FNIP2: variants seen among roughly 807,000 people sequenced by gnomAD.
FNIP2 encodes the protein folliculin interacting protein 2, also known as folliculin-interacting protein 2.
Under a neutral mutation model 108.7 loss-of-function variants are expected in FNIP2, and 32 were observed. The observed-to-expected ratio is 0.29, with a 90% confidence interval of 0.22 to 0.40. FNIP2 has a LOEUF of 0.40. FNIP2 is among the 10% of genes least tolerant of loss of function. The pLI, the probability that FNIP2 is intolerant of heterozygous loss-of-function variation, is 1.00. For missense variants in FNIP2, 1,202 were observed against 1,381.6 expected (o/e 0.87, Z 2.06); for synonymous variants, 480 against 496.7 (o/e 0.97, Z 0.45).
intron 1 of FNIP2, among the ~76,000 whole-genome samples, chr4:158,780,310 A>G (rs1775999732): frequency 6.6e-6 from 1 of 152,242 alleles, no homozygotes; most frequent in African/African-American, 2.4e-5. Flanking sequence ...TGAAGACATA[A>G]TTGTAGAATA....
chr4:158,888,985 T>C (rs1782155467), intron 14 of FNIP2, among the ~76,000 whole-genome samples: 1 of 151,424 alleles, frequency 6.6e-6, no homozygotes, highest in African/African-American at 2.4e-5. Flanking sequence ...GGGCCAGGAG[T>C]TTGAGACCAG....
chr4:158,769,176 C>T lies in FNIP2; in HGVS notation c.-37C>T, dbSNP rs751891145. The T allele has an allele frequency of 8.5e-7, 1 of 1,169,708 alleles. No homozygotes were observed. The highest frequency in any genetic ancestry group is 1.8e-5 in the South Asian group (1 of 56,616). The allele number at this position is 1,169,708 out of a possible 1,614,324, so 72.5% of individuals were successfully genotyped here. ...CCGGCTGCGCGCTGAGCCGCCGGCC[C>T]CCCGAGCGCCACGGCCGGAGCTGCG... On this transcript the variant is annotated 5_prime_UTR_variant, in exon 1 of 17. Coordinates refer to ENST00000264433, the MANE Select transcript of FNIP2 (RefSeq NM_020840.3).
intron 14 of FNIP2, among the ~76,000 whole-genome samples, chr4:158,876,162 T>C (rs776245010): frequency 2.6e-5 from 4 of 152,246 alleles, no homozygotes; most frequent in Non-Finnish European, 4.4e-5. Flanking sequence ...TCTGAAATCA[T>C]TGTGATTCTC....
intron 8 of FNIP2, among the ~76,000 whole-genome samples, chr4:158,854,966 G>A (rs986624368): frequency 1.3e-5 from 2 of 152,114 alleles, no homozygotes; most frequent in Admixed American, 6.5e-5. Context: ...TTCTATAATA[G>A]GTTTTACAGT....
chr4:158,859,194 T>A lies in FNIP2; in HGVS notation c.995T>A (p.Phe332Tyr), dbSNP rs368406944. 4.3e-6 allele frequency: 7 copies of A among 1,613,144 alleles called. No homozygotes were observed. The highest frequency in any genetic ancestry group is 4.0e-5 in the African/African-American group (3 of 74,932). The change falls in exon 9 of 17, where the codon TTC (phenylalanine) becomes TAC (tyrosine). Residue 332 changes from phenylalanine (F) to tyrosine (Y), a missense_variant. Physicochemically the swap from Phe to Tyr is conservative, Grantham distance 22. Transcript: ENST00000264433. ...GAAGCACAAAGGAATTTCCAGGACT[T>A]CTTCTTTTCTCATTTTCCCCTGTTT... is the stretch of plus-strand genomic sequence containing the variant. The part of the protein sequence containing the change: ...KEEAQRNFQD[F>Y]FFSHFPLFES...
At chr4:158,889,096 G>A (rs183891431) in intron 14 of FNIP2, among the ~76,000 whole-genome samples, 1 of 152,164 alleles carries the variant, frequency 6.6e-6, no homozygotes, top group African/African-American at 2.4e-5. Flanking sequence ...GGAGGCTGAG[G>A]CAGGAGGATC....
rs1007493665 is a variant in FNIP2, at chr4:158,868,741, C to G, written c.2105C>G (p.Pro702Arg). 14 of 1,613,848 alleles carry G rather than the reference C, an allele frequency of 8.7e-6. No homozygotes were observed. In the African/African-American group the frequency reaches 1.5e-4, roughly 17 times the overall value. Residue 702 changes from proline to arginine, a missense_variant, in exon 13 of 17, where the codon CCT becomes CGT. Coordinates refer to ENST00000264433, the MANE Select transcript of FNIP2 (RefSeq NM_020840.3). This position sits in a 1 kb window ranked among gnomAD's most constrained non-coding sequence, Gnocchi z 4.6. ...CTGCCAGACCGGTCAGTGGCCTGGC[C>G]TTGCCCTGACAGACATCTCCGGGAG... ...TRLPDRSVAW[P>R]CPDRHLREKP...
At chr4:158,824,212 CT>C (rs1403185095) in intron 1 of FNIP2, among the ~76,000 whole-genome samples, 2 of 152,222 alleles carry the variant, frequency 1.3e-5, no homozygotes. Context: ...GTGTGTCACA[CT>C]TTGTGTGAGG....
At chr4:158,856,746 T>C (rs1328943954) in intron 8 of FNIP2, among the ~76,000 whole-genome samples, 1 of 152,220 alleles carries the variant, frequency 6.6e-6, no homozygotes, top group Non-Finnish European at 1.5e-5. Flanking sequence ...AAAGTTGAGG[T>C]AGAACTCTGC....
chr4:158,801,374 G>A lies in FNIP2; in HGVS notation c.108-24542G>A, dbSNP rs143767199. On this transcript the variant is annotated intron_variant, in intron 1 of 16. Transcript: ENST00000264433. ...AGAATCTAAACATTCTAGGTGGCAC[G>A]GAATTTGAGATGTAGAAGAAAGAAT... 7.9e-5 allele frequency among the ~76,000 whole-genome samples: 12 copies of A among 152,266 alleles called. No homozygotes were observed. The East Asian group carries it at 1.9e-3, about 25-fold the overall frequency.
chr4:158,866,817 T>C lies in FNIP2; in HGVS notation c.1466-1285T>C, dbSNP rs575762663. On this transcript the variant is annotated intron_variant, in intron 12 of 16. Transcript: ENST00000264433. ...GTCTCAAACTCCTGACCTCAGGTCA[T>C]CCACCTGCCTCAGCCTCCCAAAGGG... is the stretch of plus-strand genomic sequence containing the variant. Among the ~76,000 whole-genome samples the C allele has an allele frequency of 2.0e-5, 3 of 152,254 alleles. No homozygotes were observed. In the East Asian group the frequency reaches 5.8e-4, roughly 29 times the overall value.
intron 14 of FNIP2, chr4:158,871,397 C>T (rs1422930626): frequency 1.0e-6 from 1 of 985,220 alleles, no homozygotes; most frequent in South Asian, 4.7e-5. Context: ...ACCTCCTTGG[C>T]CAACAAGTAT....
chr4:158,888,797 G>A (rs764890693), intron 14 of FNIP2, among the ~76,000 whole-genome samples: 22 of 151,300 alleles, frequency 1.5e-4, no homozygotes, highest in East Asian at 9.8e-4. Flanking sequence ...CATGAGAATC[G>A]CTTGAACGCA....
At chr4:158,795,771 C>T (rs1280054112) in intron 1 of FNIP2, 2 of 152,308 alleles carry the variant, frequency 1.3e-5, no homozygotes, top group Admixed American at 6.5e-5. Flanking sequence ...TCAGCAGCGG[C>T]ATTAGATTCT....
chr4:158,798,352 C>A (rs541109639), intron 1 of FNIP2, among the ~76,000 whole-genome samples: 1 of 152,284 alleles, frequency 6.6e-6, no homozygotes, highest in Non-Finnish European at 1.5e-5. Context: ...ACGTGAGCTA[C>A]CACACCTGGC....
chr4:158,889,302 CT>C (rs1447437905), intron 14 of FNIP2, among the ~76,000 whole-genome samples: 2 of 152,218 alleles, frequency 1.3e-5, no homozygotes, highest in Non-Finnish European at 2.9e-5. Context: ...CTCTCTGTCC[CT>C]TTTTGTTATT....
chr4:158,861,160 A>G (rs539927700), intron 10 of FNIP2, among the ~76,000 whole-genome samples, 182 bp from the exon 11 acceptor site: 2 of 152,376 alleles, frequency 1.3e-5, no homozygotes, highest in East Asian at 3.9e-4. Flanking sequence ...TTTATTTACA[A>G]AAAAAGGTGG....
chr4:158,851,279 A>G, intron 7 of FNIP2, 42 bp from the exon 8 acceptor site: 1 of 1,608,716 alleles, frequency 6.2e-7, no homozygotes, highest in African/African-American at 1.3e-5. Flanking sequence ...CTACATGAGG[A>G]CTAATTGACC....
chr4:158,781,601 G>A (rs954190092), intron 1 of FNIP2, among the ~76,000 whole-genome samples: 16 of 152,166 alleles, frequency 1.1e-4, no homozygotes, highest in African/African-American at 3.6e-4. Flanking sequence ...AGCAACCCCC[G>A]CCTCCCAGGT....
Sources: gnomAD v4.1 joint callset for allele counts (sites outside exome capture counted in the v4.1 genomes callset) on GRCh38, gnomAD v4.1.1 for gene constraint, Gnocchi (gnomAD v3.1) non-coding constraint, MANE v1.5 for transcripts, NCBI Gene and HGNC (gene_info 2026-07-23, HGNC 2026-07-21) for gene names.